Variants in SCAMP4 observed in about 807,000 individuals in gnomAD.
The protein encoded by SCAMP4 is secretory carrier membrane protein 4.
A neutral mutation model predicts 32.1 loss-of-function variants in SCAMP4; 19 were observed. The ratio of observed to expected loss-of-function variants is 0.59; its 90% CI spans 0.41 to 0.87. SCAMP4 has a LOEUF of 0.87. Among genes scored for constraint, SCAMP4 ranks in the 40% least tolerant of loss-of-function variants. SCAMP4 has a pLI of 0.00. For missense variants in SCAMP4, 302 were observed against 309.0 expected (o/e 0.98, Z 0.17); for synonymous variants, 152 against 132.7 (o/e 1.15, Z -1.00).
Position 1,918,265 on chromosome 19 carries a change from C to T in SCAMP4, c.275C>T (p.Pro92Leu). The change falls in exon 4 of 7, where the codon CCT becomes CTT. Residue 92 changes from proline (P) to leucine (L), a missense_variant. By Grantham distance (98) the Pro-to-Leu change is moderately conservative. Coordinates refer to ENST00000316097, the MANE Select transcript of SCAMP4 (RefSeq NM_079834.4). ...TGCGGCTACGTGTGCTGGTTCCGGC[C>T]TGTCTACAAGGCCTTCCGGTGAGCA... ...TPCGYVCWFR[P>L]VYKAFRADSS... 6.2e-7 allele frequency: 1 copy of T among 1,605,826 alleles called. No homozygotes were observed.
At chr19:1,919,554 T>G (rs1233814614) in intron 5 of SCAMP4, 44 of 703,002 alleles carry the variant, frequency 6.3e-5, no homozygotes, top group Non-Finnish European at 7.3e-5. Flanking sequence ...TGGGGCGCAG[T>G]GGTGCAATCT....
At chr19:1,912,731 C>T in intron 1 of SCAMP4, 3 of 1,533,048 alleles carry the variant, frequency 2.0e-6, no homozygotes, top group African/African-American at 1.4e-5. Flanking sequence ...CCACCGGCCA[C>T]GACTGCAGCT....
At position 1,918,595 on chromosome 19, in the gene SCAMP4, CTACTA is replaced by C. The variant is rs927749723; in HGVS notation, c.294-291_294-287del. The C allele has an allele frequency of 2.7e-5, 14 of 517,116 alleles. No individual in the cohort carries two copies. The East Asian group carries it at 2.9e-4, about 11-fold the overall frequency. The allele number at this position is 517,116 out of a possible 1,614,324, so 32.0% of individuals were successfully genotyped here. ...TGGCCAACATGGTGAAACGCTGTCT[CTACTA>C]TAGGTACAAAAATTAGCCAGGCGTG... On this transcript the variant is annotated intron_variant, in intron 4 of 6. Coordinates refer to ENST00000316097, the MANE Select transcript of SCAMP4 (RefSeq NM_079834.4).
At chr19:1,918,847 G>A (rs2013823907) in intron 4 of SCAMP4, 42 bp from the exon 5 acceptor site, 2 of 1,571,016 alleles carry the variant, frequency 1.3e-6, no homozygotes. Flanking sequence ...TCTGGGAGAA[G>A]CCAGGGCTGT....
chr19:1,916,431 C>A (rs2013736819), intron 2 of SCAMP4, among the ~76,000 whole-genome samples: 1 of 152,050 alleles, frequency 6.6e-6, no homozygotes, highest in Admixed American at 6.6e-5. Context: ...TTTCTGGCCT[C>A]CAGGACTGTT....
In SCAMP4 at chr19:1,925,901, G is replaced by C. The variant is rs1187269908; in HGVS notation, c.*1617G>C. The C allele has an allele frequency of 7.6e-6, 1 of 131,262 alleles. No homozygotes were observed. Among genetic ancestry groups the C allele is most frequent in the African/African-American group, 3.3e-5 (1 of 30,690 alleles). 8.1% of individuals were successfully genotyped at this position (131,262 alleles called of 1,614,324 possible). A position where few individuals can be genotyped will look rare whatever the true frequency, so the allele number is the denominator to read the frequency against. On this transcript the variant is annotated 3_prime_UTR_variant, in exon 7 of 7. Coordinates refer to ENST00000316097, the MANE Select transcript of SCAMP4 (RefSeq NM_079834.4). ...ACTGATGCAGACAAAATCTCACCTG[G>C]CAGGCCCAACCCCCCCCCACCCCTC...
At chr19:1,911,916 G>A in intron 1 of SCAMP4, 2 of 1,195,698 alleles carry the variant, frequency 1.7e-6, no homozygotes, top group Non-Finnish European at 2.2e-6. Context: ...AGGGAGTGTA[G>A]CTCTGATGCG....
chr19:1,913,391 C>G, intron 1 of SCAMP4: 1 of 617,936 alleles, frequency 1.6e-6, no homozygotes, highest in Non-Finnish European at 2.8e-6. Context: ...TTTGTGTCCC[C>G]TCTGTCTCGC....
chr19:1,910,678 G>A (rs897525861), intron 1 of SCAMP4, among the ~76,000 whole-genome samples: 1 of 142,812 alleles, frequency 7.0e-6, no homozygotes, highest in Non-Finnish European at 1.5e-5. Context: ...CCAGGTTCAA[G>A]CAATTCTCTT....
At position 1,908,394 on chromosome 19, in the gene SCAMP4, C is replaced by T. The variant is rs1042644698; in HGVS notation, c.-42+2955C>T. 1.3e-4 allele frequency: 56 copies of T among 419,336 alleles called. No individual in the cohort carries two copies. The highest frequency in any genetic ancestry group is 9.6e-4 in the African/African-American group (47 of 49,036). 26.0% of individuals were successfully genotyped at this position (419,336 alleles called of 1,614,324 possible). A position where few individuals can be genotyped will look rare whatever the true frequency, so the allele number is the denominator to read the frequency against. On this transcript the variant is annotated intron_variant, in intron 1 of 6. Coordinates refer to ENST00000316097, the MANE Select transcript of SCAMP4 (RefSeq NM_079834.4). This position sits in a 1 kb window ranked among gnomAD's most constrained non-coding sequence, Gnocchi z 4.2. The stretch of plus-strand genomic sequence containing the variant: ...CTGGTCCCCCATCTGTGGGGCGCCC[C>T]GGCGGCTGAGGCGTGGACCAGGCAG...
intron 5 of SCAMP4, chr19:1,920,411 G>A (rs1289140764): frequency 2.8e-6 from 2 of 706,082 alleles, no homozygotes; most frequent in Non-Finnish European, 3.5e-6. Context: ...TCTCCCTTCA[G>A]GGCCCCTCGA....
chr19:1,922,926 G>C (rs181876874), intron 5 of SCAMP4, 144 bp from the exon 6 acceptor site: 175 of 1,354,860 alleles, frequency 1.3e-4, no homozygotes, highest in Non-Finnish European at 1.6e-4. Flanking sequence ...CTTTATGTTT[G>C]TTGGCCACTT....
intron 2 of SCAMP4, among the ~76,000 whole-genome samples, 169 bp from the exon 3 acceptor site, chr19:1,917,525 C>T (rs901594547): frequency 8.5e-5 from 13 of 152,162 alleles, no homozygotes; most frequent in Admixed American, 2.0e-4. Flanking sequence ...CGTCTCCTCT[C>T]GTGAGGCTGC....
At chr19:1,907,147 A>G (rs2013167086) in intron 1 of SCAMP4, 1 of 151,778 alleles carries the variant, frequency 6.6e-6, no homozygotes, top group Admixed American at 6.6e-5. Context: ...GGATCGCGCC[A>G]CTGCCCTCCA....
In SCAMP4 at chr19:1,908,950, C is replaced by A. The variant is rs1270584893; in HGVS notation, c.-42+3511C>A. ...TGGAACCCCGTCTCTACTGAAAATA[C>A]AAAAATTAGCCGGGCGTGGTGGCAT... is the stretch of plus-strand genomic sequence containing the variant. On this transcript the variant is annotated intron_variant, in intron 1 of 6. Transcript: ENST00000316097. This position sits in a 1 kb window ranked among gnomAD's most constrained non-coding sequence, Gnocchi z 4.2. Among the ~76,000 whole-genome samples the A allele has an allele frequency of 1.3e-5, 2 of 151,978 alleles. No individual in the cohort carries two copies. Among genetic ancestry groups the A allele is most frequent in the Non-Finnish European group, 2.9e-5 (2 of 68,014 alleles).
intron 6 of SCAMP4, among the ~76,000 whole-genome samples, chr19:1,923,831 T>C (rs1015722021): frequency 2.4e-5 from 3 of 124,650 alleles, no homozygotes; most frequent in Non-Finnish European, 4.9e-5. Flanking sequence ...TTCACCGTGT[T>C]AGCCAGGATG....
Position 1,917,764 on chromosome 19 carries a change from C to T in SCAMP4, c.78C>T (p.Ser26=), listed in dbSNP as rs369943989. The stretch of plus-strand genomic sequence containing the variant: ...AGCCCTGCTTCTACCAGAACTTCTC[C>T]GACGAGATCCCAGTGGAGCACCAGG... The part of the protein sequence containing the change: ...PVKPCFYQNF[S]DEIPVEHQVL... Residue 26 remains serine (S), a synonymous_variant, in exon 3 of 7, where the codon TCC becomes TCT. Coordinates refer to ENST00000316097, the MANE Select transcript of SCAMP4 (RefSeq NM_079834.4). 92 of 1,613,918 alleles carry T rather than the reference C, an allele frequency of 5.7e-5. No homozygotes were observed. Among genetic ancestry groups the T allele is most frequent in the South Asian group, 1.5e-4 (14 of 91,094 alleles).
In SCAMP4 at chr19:1,924,549, T is replaced by C. The variant is rs1030003406; in HGVS notation, c.*265T>C. On this transcript the variant is annotated 3_prime_UTR_variant, in exon 7 of 7. Coordinates refer to ENST00000316097, the MANE Select transcript of SCAMP4 (RefSeq NM_079834.4). ...ACGCCCTCTTGCTCCCGGAAACGTGTGGTCACCCGCCGTCCACTGCACGGC... is the reference window on the plus strand; with the variant it reads ...ACGCCCTCTTGCTCCCGGAAACGTGCGGTCACCCGCCGTCCACTGCACGGC... The C allele has an allele frequency of 2.0e-6, 1 of 510,304 alleles. No homozygotes were observed. The highest frequency in any genetic ancestry group is 3.6e-6 in the Non-Finnish European group (1 of 277,414). 31.6% of individuals were successfully genotyped at this position (510,304 alleles called of 1,614,324 possible).
Position 1,918,977 on chromosome 19 carries a change from G to A in SCAMP4, c.382G>A (p.Gly128Ser), listed in dbSNP as rs1216535393. 3 of 1,608,854 alleles carry A rather than the reference G, an allele frequency of 1.9e-6. No homozygotes were observed. The highest frequency in any genetic ancestry group is 1.1e-5 in the South Asian group (1 of 89,898). The change falls in exon 5 of 7, where the codon GGC (glycine) becomes AGC (serine). Residue 128 changes from glycine to serine, a missense_variant. Physicochemically the swap from Gly to Ser is moderately conservative, Grantham distance 56. Coordinates refer to ENST00000316097, the MANE Select transcript of SCAMP4 (RefSeq NM_079834.4). ...CGTCATCCAGGCGATTGGCTTCTCC[G>A]GCTGGGGCGCGTGGTAAGCCTCTCT... Reference protein sequence around the residue: ...LTVIQAIGFSGWGACGWLSAI... With the variant: ...LTVIQAIGFSSWGACGWLSAI...
Sources: gnomAD v4.1 joint callset for allele counts (sites outside exome capture counted in the v4.1 genomes callset) on GRCh38, gnomAD v4.1.1 for gene constraint, Gnocchi (gnomAD v3.1) non-coding constraint, MANE v1.5 for transcripts, NCBI Gene and HGNC (gene_info 2026-07-23, HGNC 2026-07-21) for gene names.